RAD51B: variants seen among roughly 807,000 people sequenced by gnomAD.
The protein encoded by RAD51B is DNA repair protein RAD51 homolog 2.
Under a neutral mutation model 42.2 loss-of-function variants are expected in RAD51B, and 38 were observed. The observed-to-expected ratio is 0.90, with a 90% CI of 0.70 to 1.18. The LOEUF (loss-of-function observed/expected upper bound fraction) is 1.18. Ranked by LOEUF, RAD51B falls within the 50% of genes most tolerant of loss-of-function variation. The pLI is 0.00. For missense variants in RAD51B, 373 were observed against 400.7 expected, an observed-to-expected ratio of 0.93 and a Z score of 0.59; for synonymous variants, 154 against 145.2, an observed-to-expected ratio of 1.06 and a Z score of -0.43.
At chr14:68,436,588 T>G (rs2085154154) in intron 9 of RAD51B, among the ~76,000 whole-genome samples, 1 of 152,210 alleles carries the variant, frequency 6.6e-6, no homozygotes, top group South Asian at 2.1e-4. Context: ...GGAATTGTGT[T>G]GAATCTGCAG....
At chr14:68,101,188 G>A (rs2077282430) in intron 7 of RAD51B, among the ~76,000 whole-genome samples, 2 of 152,164 alleles carry the variant, frequency 1.3e-5, no homozygotes, top group Non-Finnish European at 2.9e-5. Flanking sequence ...GACACATGGG[G>A]ATAAGGGGAA....
In RAD51B at chr14:67,865,043, T is replaced by A. The variant is rs2139990874; in HGVS notation, c.356T>A (p.Ile119Lys). 1 of 1,537,714 alleles carries A rather than the reference T, an allele frequency of 6.5e-7. No homozygotes were observed. The highest frequency in any genetic ancestry group is 8.8e-7 in the Non-Finnish European group (1 of 1,134,574). Residue 119 changes from isoleucine to lysine, a missense_variant, in exon 5 of 11, where the codon ATA becomes AAA. Ile to Lys is a moderately radical substitution (Grantham distance 102). Coordinates refer to ENST00000471583, the MANE Select transcript of RAD51B (RefSeq NM_133510.4). ...PPGCGKTQFC[I>K]MMSILATLPT... ...GGTTGTGGAAAAACTCAGTTTTGTA[T>A]AATGATGAGCATTTTGGCTACATTA...
chr14:68,325,444 C>T (rs539013658), intron 8 of RAD51B, among the ~76,000 whole-genome samples: 73 of 152,244 alleles, frequency 4.8e-4, no homozygotes, highest in African/African-American at 1.6e-3. Flanking sequence ...CTTCATGCCC[C>T]GCCCTTTTAT....
chr14:68,124,548 GA>G (rs1261421622), intron 7 of RAD51B, among the ~76,000 whole-genome samples: 1 of 152,150 alleles, frequency 6.6e-6, no homozygotes, highest in Admixed American at 6.5e-5. Context: ...CTGAGTTTGT[GA>G]ATTATTTTCG....
intron 7 of RAD51B, among the ~76,000 whole-genome samples, chr14:68,207,083 C>T (rs1195158087): frequency 6.6e-6 from 1 of 152,166 alleles, no homozygotes; most frequent in Non-Finnish European, 1.5e-5. Context: ...AGCCACCGCA[C>T]CCGGCCACCC....
intron 7 of RAD51B, among the ~76,000 whole-genome samples, chr14:68,173,174 A>G (rs2078904459): frequency 6.6e-6 from 1 of 152,204 alleles, no homozygotes; most frequent in Non-Finnish European, 1.5e-5. Context: ...ACACTCATGT[A>G]TACTTAGCTC....
At chr14:68,320,016 A>G (rs888905417) in intron 8 of RAD51B, among the ~76,000 whole-genome samples, 5 of 152,164 alleles carry the variant, frequency 3.3e-5, no homozygotes, top group Non-Finnish European at 5.9e-5. Flanking sequence ...CAGAAGTGGG[A>G]TAAGCATTCA....
chr14:68,232,085 T>TG (rs1555377096), intron 7 of RAD51B, among the ~76,000 whole-genome samples: 1 of 152,046 alleles, frequency 6.6e-6, no homozygotes, highest in Non-Finnish European at 1.5e-5. Context: ...CTCGTAGAGA[T>TG]AAATAGTTGG....
intron 11 of RAD51B, among the ~76,000 whole-genome samples, chr14:68,665,156 G>A (rs544102610): frequency 6.6e-6 from 1 of 152,346 alleles, no homozygotes; most frequent in South Asian, 2.1e-4. Flanking sequence ...TAAGGCTTTT[G>A]TTGGCAAGAC....
intron 11 of RAD51B, among the ~76,000 whole-genome samples, chr14:68,658,443 G>A (rs1367860969): frequency 1.3e-5 from 2 of 152,258 alleles, no homozygotes; most frequent in Non-Finnish European, 2.9e-5. Context: ...CAGGAGAGCT[G>A]GCAAGTGCCA....
intron 7 of RAD51B, among the ~76,000 whole-genome samples, chr14:67,913,518 A>C: frequency 6.6e-6 from 1 of 152,192 alleles, no homozygotes; most frequent in East Asian, 1.9e-4. Flanking sequence ...GTGATGGATA[A>C]AACTTGTAGT....
chr14:67,899,250 C>T lies in RAD51B; in HGVS notation c.756+12046C>T, dbSNP rs576876749. Among the ~76,000 whole-genome samples the T allele has an allele frequency of 9.2e-5, 14 of 151,736 alleles. No individual in the cohort carries two copies. The South Asian group carries it at 2.5e-3, about 27-fold the overall frequency. On this transcript the variant is annotated intron_variant, in intron 7 of 10. Coordinates refer to ENST00000471583, the MANE Select transcript of RAD51B (RefSeq NM_133510.4). ...ATTTTTAGTAGAGACGGGGTTTCAC[C>T]ATGTTAGCCAGGATGGTCTTGATCT...
At chr14:68,562,614 A>C (rs1889211984) in intron 10 of RAD51B, 2 of 985,266 alleles carry the variant, frequency 2.0e-6, no homozygotes, top group African/African-American at 3.5e-5. Flanking sequence ...TATTATTGTT[A>C]GTTCTCTGTT....
At chr14:67,945,566 G>A (rs1000717115) in intron 7 of RAD51B, among the ~76,000 whole-genome samples, 2 of 152,142 alleles carry the variant, frequency 1.3e-5, no homozygotes, top group Non-Finnish European at 2.9e-5. Flanking sequence ...CTCCTCCCGG[G>A]TTCAAGCGAT....
chr14:68,484,626 G>A (rs921382622), intron 10 of RAD51B, among the ~76,000 whole-genome samples: 3 of 152,046 alleles, frequency 2.0e-5, no homozygotes, highest in South Asian at 2.1e-4. Flanking sequence ...CAAAGTGCTG[G>A]GATTACAGGC....
At chr14:67,894,555 C>G (rs953095255) in intron 7 of RAD51B, among the ~76,000 whole-genome samples, 5 of 152,162 alleles carry the variant, frequency 3.3e-5, no homozygotes, top group Admixed American at 2.6e-4. Context: ...ATTGTAGAGG[C>G]AAATCGCTCT....
intron 7 of RAD51B, among the ~76,000 whole-genome samples, chr14:67,971,642 A>G (rs1179491626): frequency 6.6e-6 from 1 of 152,068 alleles, no homozygotes; most frequent in Non-Finnish European, 1.5e-5. Flanking sequence ...TGAAGAATAC[A>G]TTGTTCTTGA....
At chr14:68,025,931 G>A (rs1449289339) in intron 7 of RAD51B, among the ~76,000 whole-genome samples, 2 of 151,604 alleles carry the variant, frequency 1.3e-5, no homozygotes, top group Admixed American at 6.6e-5. Flanking sequence ...TTTTCTGTTA[G>A]TTGTAAAGTT....
intron 10 of RAD51B, among the ~76,000 whole-genome samples, chr14:68,601,932 C>T (rs1429279800): frequency 6.6e-6 from 1 of 152,138 alleles, no homozygotes; most frequent in Non-Finnish European, 1.5e-5. Flanking sequence ...CATTACTGCC[C>T]TATTTCTCTT....
Sources: gnomAD v4.1 joint callset for allele counts (sites outside exome capture counted in the v4.1 genomes callset) on GRCh38, gnomAD v4.1.1 for gene constraint, MANE v1.5 for transcripts, NCBI Gene and HGNC (gene_info 2026-07-23, HGNC 2026-07-21) for gene names.